Variants in SLIT2 observed in about 807,000 individuals in gnomAD.
SLIT2 encodes slit homolog 2 protein.
Under a neutral mutation model 185.7 loss-of-function variants are expected in SLIT2, and 41 were observed. The ratio of observed to expected loss-of-function variants is 0.22; its 90% CI spans 0.17 to 0.29. SLIT2 has a LOEUF of 0.29. Ranked by LOEUF, SLIT2 falls within the 10% of genes least tolerant of loss-of-function variation. The pLI is 1.00. For missense variants in SLIT2, 1,571 were observed against 1,909.0 expected (o/e 0.82, Z 3.30); for synonymous variants, 693 against 680.2 (o/e 1.02, Z -0.29).
intron 4 of SLIT2, among the ~76,000 whole-genome samples, chr4:20,387,885 G>C (rs1055744501): frequency 1.3e-5 from 2 of 152,054 alleles, no homozygotes; most frequent in Non-Finnish European, 1.5e-5. Flanking sequence ...GGATCTACAG[G>C]GTTGTAAGGT....
At chr4:20,439,613 G>C (rs1483725639) in intron 4 of SLIT2, among the ~76,000 whole-genome samples, 1 of 152,130 alleles carries the variant, frequency 6.6e-6, no homozygotes, top group African/African-American at 2.4e-5. Context: ...CTTCTGCAAA[G>C]ACCCATTTAA....
intron 29 of SLIT2, among the ~76,000 whole-genome samples, chr4:20,575,499 A>C (rs2148926290): frequency 6.6e-6 from 1 of 152,332 alleles, no homozygotes; most frequent in South Asian, 2.1e-4. Flanking sequence ...CCACTTATTC[A>C]AGGATATGCA....
chr4:20,514,322 C>T (rs1407842234), intron 11 of SLIT2, among the ~76,000 whole-genome samples: 1 of 152,074 alleles, frequency 6.6e-6, no homozygotes, highest in African/African-American at 2.4e-5. Flanking sequence ...TGATGCCAAG[C>T]ACCTCTACTG....
chr4:20,269,378 A>G lies in SLIT2; in HGVS notation c.395+497A>G, dbSNP rs146407083. On this transcript the variant is annotated intron_variant, in intron 4 of 36. Coordinates refer to ENST00000504154, the MANE Select transcript of SLIT2 (RefSeq NM_004787.4). Reference sequence around the variant, plus strand: ...CTTAAATGTTTCCTTTAAAGCCACAATTTCAGCCTCTGCAATATGAATGAC... The same window carrying G: ...CTTAAATGTTTCCTTTAAAGCCACAGTTTCAGCCTCTGCAATATGAATGAC... Among the ~76,000 whole-genome samples, 241 of 151,986 alleles carry G rather than the reference A, an allele frequency of 1.6e-3. 2 individuals carry two copies. Among genetic ancestry groups the G allele is most frequent in the African/African-American group, 5.7e-3 (236 of 41,504 alleles).
chr4:20,278,436 T>C, intron 4 of SLIT2, among the ~76,000 whole-genome samples: 1 of 152,182 alleles, frequency 6.6e-6, no homozygotes, highest in East Asian at 1.9e-4. Context: ...TATGCTCTAC[T>C]TACTTCTATC....
chr4:20,441,317 A>G (rs1056710074), intron 4 of SLIT2, among the ~76,000 whole-genome samples: 3 of 152,148 alleles, frequency 2.0e-5, no homozygotes, highest in Non-Finnish European at 4.4e-5. Flanking sequence ...CTTAACATCA[A>G]ATCTTTATGG....
At chr4:20,340,304 T>C (rs1214087098) in intron 4 of SLIT2, among the ~76,000 whole-genome samples, 1 of 152,140 alleles carries the variant, frequency 6.6e-6, no homozygotes, top group Non-Finnish European at 1.5e-5. Context: ...AATATTCTTC[T>C]AACCCTTGGG....
intron 4 of SLIT2, among the ~76,000 whole-genome samples, chr4:20,406,815 A>G (rs901412939): frequency 1.4e-5 from 2 of 146,940 alleles, no homozygotes; most frequent in African/African-American, 4.8e-5. Flanking sequence ...CTAGGTATAC[A>G]GTGAACAAAA....
intron 12 of SLIT2, among the ~76,000 whole-genome samples, chr4:20,523,039 C>G (rs1351771179): frequency 6.6e-6 from 1 of 152,104 alleles, no homozygotes; most frequent in East Asian, 1.9e-4. Flanking sequence ...GGGTCAAAGA[C>G]AGCCTGCATG....
Position 20,283,111 on chromosome 4 carries a change from T to TGTGC in SLIT2, c.395+14231_395+14232insTGCG, listed in dbSNP as rs1553871904. On this transcript the variant is annotated intron_variant, in intron 4 of 36. Transcript: ENST00000504154. ...TGTGTGTGTTGCCTGTGTGCCTGTGTGCGCGCGCGCACACACACACACACA... is the reference window on the plus strand; with the variant it reads ...TGTGTGTGTTGCCTGTGTGCCTGTGTGTGCGCGCGCGCGCACACACACACACACA... 2.4e-3 allele frequency among the ~76,000 whole-genome samples: 340 copies of TGTGC among 143,706 alleles called. 2 individuals are homozygous for TGTGC. Among genetic ancestry groups the TGTGC allele is most frequent in the African/African-American group, 8.9e-3 (324 of 36,346 alleles). 94.3% of individuals were successfully genotyped at this position (143,706 alleles called of 152,430 possible). A position where few individuals can be genotyped will look rare whatever the true frequency, so the allele number is the denominator to read the frequency against.
At chr4:20,478,954 A>T (rs576684600) in intron 5 of SLIT2, among the ~76,000 whole-genome samples, 4 of 152,316 alleles carry the variant, frequency 2.6e-5, no homozygotes, top group African/African-American at 9.6e-5. Context: ...ATGAGACTTT[A>T]AATGTCTTCT....
chr4:20,447,597 T>C (rs1711959952), intron 4 of SLIT2, among the ~76,000 whole-genome samples: 1 of 152,180 alleles, frequency 6.6e-6, no homozygotes. Flanking sequence ...GTGTTTCATG[T>C]AAGGAAAACG....
chr4:20,463,388 T>C (rs1255462504), intron 4 of SLIT2, among the ~76,000 whole-genome samples: 1 of 148,514 alleles, frequency 6.7e-6, no homozygotes, highest in Non-Finnish European at 1.5e-5. Flanking sequence ...CTTGATTATC[T>C]TTCTCAGATA....
At chr4:20,581,235 C>G (rs11941446) in intron 29 of SLIT2, among the ~76,000 whole-genome samples, 1,601 of 152,262 alleles carry the variant, frequency 0.011, 24 homozygotes, top group African/African-American at 0.037. Flanking sequence ...TATCATCTTC[C>G]CTCTATGCCT....
intron 4 of SLIT2, among the ~76,000 whole-genome samples, chr4:20,387,528 A>G (rs80244565): frequency 6.6e-6 from 1 of 152,146 alleles, no homozygotes; most frequent in Non-Finnish European, 1.5e-5. Flanking sequence ...TCTCAGTGTC[A>G]TGAAGCCTCT....
At chr4:20,550,769 C>A (rs1450845453) in intron 24 of SLIT2, 58 bp from the exon 25 acceptor site, 5 of 1,020,026 alleles carry the variant, frequency 4.9e-6, no homozygotes, top group South Asian at 1.4e-5. Context: ...CGGAATTTCT[C>A]TGGAGTCTAT....
chr4:20,516,965 T>C (rs1307507940), intron 11 of SLIT2, among the ~76,000 whole-genome samples: 3 of 152,160 alleles, frequency 2.0e-5, no homozygotes, highest in Non-Finnish European at 2.9e-5. Context: ...CAGTGATTTA[T>C]TGAAAAAAAT....
At chr4:20,458,675 C>T (rs1713359882) in intron 4 of SLIT2, among the ~76,000 whole-genome samples, 1 of 152,266 alleles carries the variant, frequency 6.6e-6, no homozygotes, top group African/African-American at 2.4e-5. Context: ...TACCTCTTAC[C>T]TCCTGTAAGA....
chr4:20,496,614 C>T (rs1313641638), intron 9 of SLIT2, among the ~76,000 whole-genome samples: 4 of 152,062 alleles, frequency 2.6e-5, no homozygotes, highest in Admixed American at 6.6e-5. Flanking sequence ...CCCTAATTAT[C>T]GTATTTTGTA....
Sources: allele counts gnomAD v4.1 joint callset (sites outside exome capture counted in the v4.1 genomes callset), GRCh38; gene constraint gnomAD v4.1.1; transcripts MANE v1.5; gene names NCBI Gene and HGNC (gene_info 2026-07-23, HGNC 2026-07-21).